The following CMSS1 variants were observed in gnomAD, a reference collection of about 807,000 sequenced individuals.
The protein encoded by CMSS1 is protein CMSS1.
CMSS1 carries 33 observed loss-of-function variants against 43.5 expected under a neutral mutation model. The observed-to-expected ratio is 0.76, with a 90% CI of 0.57 to 1.01. The LOEUF (loss-of-function observed/expected upper bound fraction) is 1.01. CMSS1 is among the 50% of genes least tolerant of loss of function. The pLI is 0.00. For synonymous variants in CMSS1, 115 were observed against 117.2 expected (o/e 0.98, Z 0.12); for missense variants, 313 against 326.4 (o/e 0.96, Z 0.32).
intron 1 of CMSS1, among the ~76,000 whole-genome samples, chr3:99,912,457 G>A (rs932246770): frequency 6.6e-6 from 1 of 152,096 alleles, no homozygotes; most frequent in Admixed American, 6.5e-5. Context: ...GCTTACTGCA[G>A]CCTTGACCTC....
chr3:99,879,917 T>C (rs1050299563), intron 1 of CMSS1, among the ~76,000 whole-genome samples: 5 of 152,198 alleles, frequency 3.3e-5, no homozygotes, highest in African/African-American at 4.8e-5. Context: ...CCTGCATTGC[T>C]TCAGACTACA....
intron 1 of CMSS1, among the ~76,000 whole-genome samples, chr3:100,105,810 A>C (rs2066385560): frequency 6.6e-6 from 1 of 152,178 alleles, no homozygotes; most frequent in Non-Finnish European, 1.5e-5. Flanking sequence ...AGCATACCTC[A>C]TACTCAGGCT....
intron 1 of CMSS1, among the ~76,000 whole-genome samples, chr3:99,943,184 G>C (rs1707902197): frequency 6.6e-6 from 1 of 152,082 alleles, no homozygotes; most frequent in South Asian, 2.1e-4. Context: ...AGTGAATCTA[G>C]TGGTCAGCTC....
chr3:100,163,069 T>C (rs2067037963), intron 4 of CMSS1, among the ~76,000 whole-genome samples: 1 of 152,268 alleles, frequency 6.6e-6, no homozygotes, highest in African/African-American at 2.4e-5. Context: ...GATTATATCC[T>C]TACTGGATGC....
At chr3:100,027,581 C>T (rs537162773) in intron 1 of CMSS1, among the ~76,000 whole-genome samples, 8 of 152,306 alleles carry the variant, frequency 5.3e-5, no homozygotes, top group Admixed American at 4.6e-4. Context: ...TACCCTCCTA[C>T]TTCCACCCTG....
rs557464940 is a variant in CMSS1 at position 99,952,166 on chromosome 3, GT to G, written c.64+134134del. On this transcript the variant is annotated intron_variant, in intron 1 of 9. Coordinates refer to ENST00000421999, the MANE Select transcript of CMSS1 (RefSeq NM_032359.4). ...ACAGACCACAGTCTCCTATAGATGTGTTTTTTTTTTTCGTTGACTTAATAAG... is the reference window on the plus strand; with the variant it reads ...ACAGACCACAGTCTCCTATAGATGTGTTTTTTTTTTCGTTGACTTAATAAG... Among the ~76,000 whole-genome samples the G allele has an allele frequency of 7.0e-4, 101 of 145,222 alleles. 1 individual carries two copies. The highest frequency in any genetic ancestry group is 4.2e-3 in the East Asian group (21 of 4,966).
At chr3:100,065,727 G>T (rs2065652660) in intron 1 of CMSS1, among the ~76,000 whole-genome samples, 1 of 152,160 alleles carries the variant, frequency 6.6e-6, no homozygotes, top group South Asian at 2.1e-4. Context: ...CTGTATTCTT[G>T]TATCTAATTA....
chr3:99,912,499 G>T (rs1039689209), intron 1 of CMSS1, among the ~76,000 whole-genome samples: 2 of 152,000 alleles, frequency 1.3e-5, no homozygotes, highest in East Asian at 3.9e-4. Context: ...TACCTCAGCC[G>T]CCCAGGTAGC....
intron 1 of CMSS1, among the ~76,000 whole-genome samples, chr3:99,907,250 CTTT>C (rs1706647876): frequency 6.6e-6 from 1 of 151,750 alleles, no homozygotes; most frequent in South Asian, 2.1e-4. Flanking sequence ...TTTTAATTTT[CTTT>C]TTTATTTTTT....
chr3:99,949,035 C>T (rs983386441), intron 1 of CMSS1, among the ~76,000 whole-genome samples: 1 of 152,134 alleles, frequency 6.6e-6, no homozygotes, highest in African/African-American at 2.4e-5. Context: ...TATTTCCTAG[C>T]ATACAGCTGT....
chr3:100,126,007 T>A (rs1034178744), intron 1 of CMSS1, among the ~76,000 whole-genome samples: 4 of 152,134 alleles, frequency 2.6e-5, no homozygotes, highest in Non-Finnish European at 4.4e-5. Flanking sequence ...TTAAAAAAAA[T>A]TTACAAAATA....
At chr3:99,980,880 C>A (rs1164567787) in intron 1 of CMSS1, among the ~76,000 whole-genome samples, 1 of 152,166 alleles carries the variant, frequency 6.6e-6, no homozygotes, top group Non-Finnish European at 1.5e-5. Context: ...CTTCCTTTAA[C>A]ATTATGCTAG....
At chr3:99,836,583 A>G (rs1370198075) in intron 1 of CMSS1, among the ~76,000 whole-genome samples, 4 of 152,162 alleles carry the variant, frequency 2.6e-5, no homozygotes, top group Admixed American at 2.0e-4. Flanking sequence ...CACCATAGGT[A>G]CTTCTACATC....
intron 1 of CMSS1, among the ~76,000 whole-genome samples, chr3:100,103,659 G>T (rs1172240559): frequency 3.9e-5 from 6 of 152,174 alleles, no homozygotes; most frequent in Admixed American, 3.9e-4. Flanking sequence ...TGCCAGCATT[G>T]CACTGTATTA....
At chr3:99,953,324 C>T (rs1199684737) in intron 1 of CMSS1, among the ~76,000 whole-genome samples, 4 of 152,056 alleles carry the variant, frequency 2.6e-5, no homozygotes, top group African/African-American at 9.7e-5. Context: ...AGACATAGGG[C>T]AAACCAATGA....
At chr3:99,901,892 T>TAG (rs951680743) in intron 1 of CMSS1, among the ~76,000 whole-genome samples, 43 of 152,262 alleles carry the variant, frequency 2.8e-4, no homozygotes, top group African/African-American at 1.0e-3. Context: ...GCCTTGTCCC[T>TAG]AGTAGAGCTC....
At chr3:99,829,020 G>T (rs1266159901) in intron 1 of CMSS1, among the ~76,000 whole-genome samples, 1 of 151,952 alleles carries the variant, frequency 6.6e-6, no homozygotes, top group Admixed American at 6.6e-5. Context: ...AATTGCAGGG[G>T]CCTGGGGGTG....
intron 1 of CMSS1, among the ~76,000 whole-genome samples, chr3:100,016,608 A>G (rs890273722): frequency 1.3e-5 from 2 of 152,226 alleles, no homozygotes; most frequent in African/African-American, 4.8e-5. Flanking sequence ...CCTTGAAACT[A>G]AAATACTTTG....
At chr3:100,015,802 G>T (rs572489599) in intron 1 of CMSS1, among the ~76,000 whole-genome samples, 87 of 152,324 alleles carry the variant, frequency 5.7e-4, no homozygotes, top group African/African-American at 2.1e-3. Flanking sequence ...TCTGATAAAT[G>T]AGAGGAGGGA....
Sources: allele counts gnomAD v4.1 joint callset (sites outside exome capture counted in the v4.1 genomes callset), GRCh38; gene constraint gnomAD v4.1.1; transcripts MANE v1.5; gene names NCBI Gene and HGNC (gene_info 2026-07-23, HGNC 2026-07-21).